Variants in PRKD3 observed in about 807,000 individuals in gnomAD.
The protein encoded by PRKD3 is protein kinase D3, also known as serine/threonine-protein kinase D3.
PRKD3 carries 47 observed loss-of-function variants against 99.2 expected under a neutral mutation model. The ratio of observed to expected loss-of-function variants is 0.47; its 90% CI spans 0.38 to 0.60. The LOEUF (loss-of-function observed/expected upper bound fraction) is 0.60, where lower values mean the gene tolerates loss of function less well. Ranked by LOEUF, PRKD3 falls within the 20% of genes least tolerant of loss-of-function variation. The pLI is 0.00. For missense variants in PRKD3, 1,019 were observed against 1,088.4 expected, an observed-to-expected ratio of 0.94 and a Z score of 0.90; for synonymous variants, 392 against 355.4, an observed-to-expected ratio of 1.10 and a Z score of -1.16.
chr2:37,267,130 T>A (rs1668898727), intron 14 of PRKD3, among the ~76,000 whole-genome samples: 1 of 152,204 alleles, frequency 6.6e-6, no homozygotes, highest in South Asian at 2.1e-4. Context: ...GACAAGCATG[T>A]CACCTGTGAA....
At chr2:37,298,993 G>C (rs1670792930) in intron 2 of PRKD3, among the ~76,000 whole-genome samples, 3 of 151,038 alleles carry the variant, frequency 2.0e-5, no homozygotes, top group Admixed American at 1.3e-4. Context: ...GGGCATCCTT[G>C]TCTTGTTTCA....
chr2:37,280,731 T>A (rs532303677), intron 7 of PRKD3, among the ~76,000 whole-genome samples: 100 of 152,150 alleles, frequency 6.6e-4, no homozygotes, highest in African/African-American at 2.2e-3. Flanking sequence ...ACCAAAAAGA[T>A]AAGTGACAAC....
intron 2 of PRKD3, among the ~76,000 whole-genome samples, chr2:37,301,765 T>C (rs143457389): frequency 4.4e-4 from 67 of 152,314 alleles, no homozygotes; most frequent in African/African-American, 1.5e-3. Context: ...AGGGAAGAAG[T>C]TCAGAAAAGC....
At chr2:37,276,140 TAC>T (rs765120824) in intron 9 of PRKD3, among the ~76,000 whole-genome samples, 32 of 151,710 alleles carry the variant, frequency 2.1e-4, no homozygotes, top group African/African-American at 5.3e-4. Flanking sequence ...ATATGACACA[TAC>T]ACACACACAC....
At chr2:37,304,182 T>A (rs758287035) in intron 2 of PRKD3, among the ~76,000 whole-genome samples, 132 of 143,468 alleles carry the variant, frequency 9.2e-4, no homozygotes, top group Non-Finnish European at 1.5e-3. Context: ...ACTTTGTACT[T>A]AACAGGTACT....
At chr2:37,281,086 A>G (rs1414408709) in intron 7 of PRKD3, among the ~76,000 whole-genome samples, 3 of 152,204 alleles carry the variant, frequency 2.0e-5, no homozygotes, top group East Asian at 1.9e-4. Context: ...GGATGGTTGT[A>G]ATCAAAAAGA....
Position 37,274,557 on chromosome 2 carries a change from A to G in PRKD3, c.1515T>C (p.Ser505=), listed in dbSNP as rs1350908908. ...CAGTGGCAGCAAGAACAGGATTATG[A>G]GAGCTGTCCCCATTGTTCTCACCAA... ...YFVGENNGDS[S]HNPVLAATGV... The change falls in exon 11 of 19, where the codon TCT becomes TCC. Residue 505 remains serine (S), a synonymous_variant. Transcript: ENST00000234179. 1.9e-6 allele frequency: 3 copies of G among 1,614,184 alleles called. No individual in the cohort carries two copies. Among genetic ancestry groups the G allele is most frequent in the Non-Finnish European group, 2.5e-6 (3 of 1,180,006 alleles).
At chr2:37,270,954 G>C (rs1669216131) in intron 12 of PRKD3, among the ~76,000 whole-genome samples, 1 of 152,142 alleles carries the variant, frequency 6.6e-6, no homozygotes, top group Admixed American at 6.5e-5. Context: ...CAAAATTTGA[G>C]TGCTCATGAT....
chr2:37,305,731 T>TG (rs1671135619), intron 2 of PRKD3, among the ~76,000 whole-genome samples: 1 of 152,246 alleles, frequency 6.6e-6, no homozygotes, highest in Non-Finnish European at 1.5e-5. Flanking sequence ...AATGTAAGCA[T>TG]GTTGGCAGGC....
At chr2:37,322,014 T>C (rs1671905243) in intron 1 of PRKD3, among the ~76,000 whole-genome samples, 1 of 152,196 alleles carries the variant, frequency 6.6e-6, no homozygotes, top group East Asian at 1.9e-4. Context: ...TAACATGAAT[T>C]CCTCCCAGTA....
Position 37,317,191 on chromosome 2 carries a change from T to A in PRKD3, c.-655-12A>T, listed in dbSNP as rs960260207. On this transcript the variant is annotated splice_polypyrimidine_tract_variant and intron_variant, in intron 1 of 18. Transcript: ENST00000234179. ...GACATATAGTTAGCCTGGAAGGAAATTTTTTAAAGGTTTTTAATACTTTAT... is the reference window on the plus strand; with the variant it reads ...GACATATAGTTAGCCTGGAAGGAAAATTTTTAAAGGTTTTTAATACTTTAT... The A allele has an allele frequency of 1.2e-5, 11 of 948,566 alleles. No individual in the cohort carries two copies. Among genetic ancestry groups the A allele is most frequent in the Non-Finnish European group, 1.4e-5 (11 of 796,386 alleles). 58.8% of individuals were successfully genotyped at this position (948,566 alleles called of 1,614,324 possible). A position where few individuals can be genotyped will look rare whatever the true frequency, so the allele number is the denominator to read the frequency against.
chr2:37,315,033 T>C (rs971855185), intron 2 of PRKD3, among the ~76,000 whole-genome samples: 1 of 152,156 alleles, frequency 6.6e-6, no homozygotes, highest in Non-Finnish European at 1.5e-5. Flanking sequence ...AGATAATGAA[T>C]GATAAACTAT....
chr2:37,259,627 T>C lies in PRKD3; in HGVS notation c.2101A>G (p.Lys701Glu). ...HFKNIVHCDL[K>E]PENVLLASAE... ...GATGCAAGCAGCACATTTTCTGGCT[T>C]TAAATCACAGTGCACAATATTCTTA... is the stretch of plus-strand genomic sequence containing the variant. The change falls in exon 16 of 19, where the codon AAG becomes GAG. Residue 701 changes from lysine (K) to glutamate (E), a missense_variant. Coordinates refer to ENST00000234179, the MANE Select transcript of PRKD3 (RefSeq NM_005813.6). 1.2e-6 allele frequency: 2 copies of C among 1,613,792 alleles called. No individual in the cohort carries two copies. The highest frequency in any genetic ancestry group is 1.7e-6 in the Non-Finnish European group (2 of 1,179,678).
intron 2 of PRKD3, among the ~76,000 whole-genome samples, chr2:37,294,324 A>T (rs1490329619): frequency 2.0e-5 from 3 of 152,108 alleles, no homozygotes; most frequent in African/African-American, 7.2e-5. Context: ...TTGAACTTCT[A>T]GACTCAAGTG....
At chr2:37,314,613 A>AT (rs1204548077) in intron 2 of PRKD3, among the ~76,000 whole-genome samples, 3 of 152,156 alleles carry the variant, frequency 2.0e-5, no homozygotes, top group Non-Finnish European at 4.4e-5. Context: ...AATATATACA[A>AT]TTTTTTCTCA....
intron 7 of PRKD3, 73 bp from the exon 8 acceptor site, chr2:37,280,002 A>AAG: frequency 9.8e-7 from 1 of 1,018,750 alleles, no homozygotes; most frequent in Non-Finnish European, 1.4e-6. Flanking sequence ...AAAAAGTCTT[A>AAG]AGAGTCTTAA....
At chr2:37,262,640 G>A (rs1668551154) in intron 14 of PRKD3, among the ~76,000 whole-genome samples, 4 of 151,946 alleles carry the variant, frequency 2.6e-5, no homozygotes, top group South Asian at 2.1e-4. Flanking sequence ...GTTGAAATGT[G>A]ACTGTTTTGC....
intron 3 of PRKD3, 110 bp downstream of exon 3, chr2:37,293,023 T>C: frequency 1.7e-6 from 2 of 1,171,218 alleles, no homozygotes; most frequent in Non-Finnish European, 2.3e-6. Flanking sequence ...ATGAAAGAAA[T>C]TAAGTAACAA....
rs547491796 is a variant in PRKD3 at position 37,269,595 on chromosome 2, A to G, written c.1777+20T>C. The G allele has an allele frequency of 1.9e-6, 3 of 1,590,742 alleles. No individual in the cohort carries two copies. In the African/African-American group the frequency reaches 4.0e-5, roughly 21 times the overall value. ...TTTTAAAATAATGTGTACAATATGC[A>G]AACGGCTGTAGTTGCTTACCTCCAT... On this transcript the variant is annotated intron_variant, in intron 13 of 18. Coordinates refer to ENST00000234179, the MANE Select transcript of PRKD3 (RefSeq NM_005813.6).
Sources: gnomAD v4.1 joint callset for allele counts (sites outside exome capture counted in the v4.1 genomes callset) on GRCh38, gnomAD v4.1.1 for gene constraint, MANE v1.5 for transcripts, NCBI Gene and HGNC (gene_info 2026-07-23, HGNC 2026-07-21) for gene names.